Variants in MYO18B observed in about 807,000 individuals in gnomAD.
MYO18B encodes the protein myosin XVIIIB.
MYO18B carries 204 observed loss-of-function variants against 273.0 expected under a neutral mutation model. The ratio of observed to expected loss-of-function variants is 0.75; its 90% confidence interval spans 0.67 to 0.84. The LOEUF (loss-of-function observed/expected upper bound fraction) is 0.84. Ranked by LOEUF, MYO18B falls within the 40% of genes least tolerant of loss-of-function variation. The probability of loss-of-function intolerance (pLI) is 0.00; values close to 1 mark genes in which losing one functional copy is unlikely to be tolerated. For synonymous variants in MYO18B, 1,330 were observed against 1,305.7 expected (o/e 1.02, Z -0.40); for missense variants, 3,212 against 3,287.6 (o/e 0.98, Z 0.56).
intron 13 of MYO18B, among the ~76,000 whole-genome samples, 193 bp from the exon 14 acceptor site, chr22:25,826,216 A>G (rs542944797): frequency 1.1e-4 from 17 of 152,334 alleles, no homozygotes; most frequent in Non-Finnish European, 2.2e-4. Context: ...GGCAGGTTAC[A>G]TAGGACGCTG....
At chr22:25,819,447 A>G (rs2089181764) in intron 12 of MYO18B, among the ~76,000 whole-genome samples, 1 of 152,090 alleles carries the variant, frequency 6.6e-6, no homozygotes, top group African/African-American at 2.4e-5. Flanking sequence ...TATTTAGTTC[A>G]CTCTCAATCC....
chr22:25,921,702 T>TGTGTGTGTGTG (rs2092344834), intron 34 of MYO18B, among the ~76,000 whole-genome samples: 1 of 145,600 alleles, frequency 6.9e-6, no homozygotes, highest in African/African-American at 2.6e-5. Context: ...AGTGTGCCTG[T>TGTGTGTGTGTG]TGTGTGTGTG....
At position 25,833,042 on chromosome 22, in the gene MYO18B, C is replaced by T. The variant is rs755743929; in HGVS notation, c.3060+45C>T. 9.0e-6 allele frequency: 14 copies of T among 1,556,408 alleles called. No homozygotes were observed. In the Admixed American group the frequency reaches 2.2e-4, roughly 24 times the overall value. ...ATCCAGGCTCTCAGATGCCAGTTGG[C>T]CATATTGAAATGCTGGTGGATTTGA... is the stretch of plus-strand genomic sequence containing the variant. On this transcript the variant is annotated intron_variant, in intron 16 of 43. Transcript: ENST00000335473.
At chr22:25,743,072 C>G (rs2085675744) in intron 1 of MYO18B, among the ~76,000 whole-genome samples, 1 of 152,246 alleles carries the variant, frequency 6.6e-6, no homozygotes, top group Non-Finnish European at 1.5e-5. Context: ...TGGAGGAGGC[C>G]AGGAGTGGGG....
intron 39 of MYO18B, among the ~76,000 whole-genome samples, chr22:25,963,178 T>TCTCACACACACACACA (rs774304270): frequency 1.4e-5 from 2 of 144,074 alleles, no homozygotes; most frequent in African/African-American, 5.2e-5. Context: ...TCTCTCTCTC[T>TCTCACACACACACACA]CACACACACA....
chr22:25,847,938 CACACACACAT>C (rs1416899743), intron 20 of MYO18B, among the ~76,000 whole-genome samples: 1 of 116,666 alleles, frequency 8.6e-6, no homozygotes, highest in Non-Finnish European at 1.7e-5. Context: ...CTTCTGAAAA[CACACACACAT>C]ACACACACAC....
intron 39 of MYO18B, among the ~76,000 whole-genome samples, chr22:25,971,624 A>G (rs1234088260): frequency 3.3e-5 from 5 of 152,138 alleles, no homozygotes; most frequent in African/African-American, 1.2e-4. Flanking sequence ...GTCTGTTCCT[A>G]CCAGTGCCTT....
intron 34 of MYO18B, among the ~76,000 whole-genome samples, chr22:25,938,599 T>G (rs974220324): frequency 5.9e-5 from 9 of 151,986 alleles, no homozygotes; most frequent in African/African-American, 1.7e-4. Flanking sequence ...ATAATGAATT[T>G]TAAGTGGCCA....
downstream of MYO18B, among the ~76,000 whole-genome samples, chr22:26,033,639 C>T (rs1359039689): frequency 6.6e-6 from 1 of 152,104 alleles, no homozygotes; most frequent in African/African-American, 2.4e-5. Context: ...GACAACCATC[C>T]CCATGCCTCT....
rs116915464 is a variant in MYO18B at position 26,013,700 on chromosome 22, T to C, written c.6470+8845T>C. On this transcript the variant is annotated intron_variant, in intron 42 of 43. Coordinates refer to ENST00000335473, the MANE Select transcript of MYO18B (RefSeq NM_032608.7). The stretch of plus-strand genomic sequence containing the variant: ...CGCCTGGTTTTGTTATTTAAAAAAT[T>C]AGCTATTCTAATAGGTGTTAGTAGT... 9.2e-3 allele frequency among the ~76,000 whole-genome samples: 1,406 copies of C among 152,330 alleles called. 6 individuals are homozygous for C. The highest frequency in any genetic ancestry group is 0.014 in the Non-Finnish European group (967 of 68,030).
At chr22:25,876,402 G>A in intron 24 of MYO18B, 70 bp downstream of exon 24, 1 of 1,487,018 alleles carries the variant, frequency 6.7e-7, no homozygotes, top group Non-Finnish European at 9.0e-7. Context: ...TTTGCATCTA[G>A]CACCCTGTGC....
At chr22:26,016,111 G>A (rs113762785) in intron 42 of MYO18B, among the ~76,000 whole-genome samples, 10 of 152,310 alleles carry the variant, frequency 6.6e-5, no homozygotes, top group African/African-American at 2.2e-4. Flanking sequence ...ACTCTGGTGA[G>A]ACAATGTCTC....
intron 30 of MYO18B, 149 bp downstream of exon 30, chr22:25,902,885 T>A: frequency 1.2e-6 from 1 of 853,732 alleles, no homozygotes; most frequent in Non-Finnish European, 1.8e-6. Flanking sequence ...TGTGTCTTAA[T>A]AAAATAGCAA....
intron 25 of MYO18B, among the ~76,000 whole-genome samples, chr22:25,887,924 G>A (rs1446552304): frequency 1.3e-5 from 2 of 152,176 alleles, no homozygotes; most frequent in Admixed American, 1.3e-4. Context: ...TGGCTAAGGT[G>A]GAGAGAACAC....
intron 25 of MYO18B, among the ~76,000 whole-genome samples, chr22:25,879,821 G>A (rs751502950): frequency 2.4e-4 from 36 of 152,202 alleles, no homozygotes; most frequent in Non-Finnish European, 4.6e-4. Flanking sequence ...TTACATCATG[G>A]TGGATTGTTA....
chr22:26,008,575 G>A (rs1934627344), intron 42 of MYO18B, among the ~76,000 whole-genome samples: 1 of 152,186 alleles, frequency 6.6e-6, no homozygotes, highest in Admixed American at 6.5e-5. Context: ...TACACCTAAA[G>A]CGTTATGATT....
intron 17 of MYO18B, among the ~76,000 whole-genome samples, chr22:25,837,290 C>T (rs1324062273): frequency 1.3e-5 from 2 of 152,066 alleles, no homozygotes; most frequent in African/African-American, 4.8e-5. Context: ...CTGGGACATT[C>T]CTATGTCAAG....
Position 25,769,292 on chromosome 22 carries a change from T to C in MYO18B, c.1376T>C (p.Leu459Pro). 1 of 1,582,808 alleles carries C rather than the reference T, an allele frequency of 6.3e-7. No individual in the cohort carries two copies. Among genetic ancestry groups the C allele is most frequent in the Non-Finnish European group, 8.6e-7 (1 of 1,165,034 alleles). Residue 459 changes from leucine to proline, a missense_variant, in exon 4 of 44, where the codon CTG becomes CCG. Coordinates refer to ENST00000335473, the MANE Select transcript of MYO18B (RefSeq NM_032608.7). ...CSRAGDGAGA[L>P]ETELEGPSQP... ...AGAGCAGGTGATGGGGCTGGTGCCCTGGAGACAGAGCTGGAAGGACCCAGC... is the reference window on the plus strand; with the variant it reads ...AGAGCAGGTGATGGGGCTGGTGCCCCGGAGACAGAGCTGGAAGGACCCAGC...
chr22:25,886,150 A>G (rs1238010108), intron 25 of MYO18B, among the ~76,000 whole-genome samples: 1 of 152,184 alleles, frequency 6.6e-6, no homozygotes, highest in Non-Finnish European at 1.5e-5. Flanking sequence ...ACTTCTCAGC[A>G]TTTTGAGCAT....
Sources: allele counts gnomAD v4.1 joint callset (sites outside exome capture counted in the v4.1 genomes callset), GRCh38; gene constraint gnomAD v4.1.1; transcripts MANE v1.5; gene names NCBI Gene and HGNC (gene_info 2026-07-23, HGNC 2026-07-21).